FLRT1: variants seen among roughly 807,000 people sequenced by gnomAD.
FLRT1 encodes the protein leucine-rich repeat transmembrane protein FLRT1.
FLRT1 carries 14 observed loss-of-function variants against 30.9 expected under a neutral mutation model. That is an observed-to-expected ratio of 0.45 (90% CI 0.30 to 0.71). FLRT1 has a LOEUF of 0.71. FLRT1 is among the 30% of genes least tolerant of loss of function. The pLI is 0.08. For missense variants in FLRT1, 737 were observed against 949.2 expected (o/e 0.78, Z 2.94); for synonymous variants, 368 against 430.4 (o/e 0.85, Z 1.80).
chr11:64,092,499 C>G (rs1419064753), intron 1 of FLRT1, among the ~76,000 whole-genome samples: 1 of 152,228 alleles, frequency 6.6e-6, no homozygotes, highest in Non-Finnish European at 1.5e-5. Flanking sequence ...GGTCTTGACA[C>G]AGCATCCACG....
At chr11:64,065,617 G>A (rs180788944) in intron 1 of FLRT1, among the ~76,000 whole-genome samples, 9,059 of 102,824 alleles carry the variant, frequency 0.088, 914 homozygotes, top group African/African-American at 0.22. Flanking sequence ...GTGAAACCCA[G>A]TCTCTACTAA....
At chr11:64,099,827 AGATG>A (rs544902818) in intron 1 of FLRT1, among the ~76,000 whole-genome samples, 15 of 151,008 alleles carry the variant, frequency 9.9e-5, no homozygotes, top group East Asian at 2.0e-4. Context: ...GTGAATGGAT[AGATG>A]GATGGATGGA....
intron 1 of FLRT1, among the ~76,000 whole-genome samples, chr11:64,094,164 G>A (rs1348440227): frequency 1.3e-5 from 2 of 152,246 alleles, no homozygotes; most frequent in African/African-American, 4.8e-5. Flanking sequence ...TGGGCGTGGT[G>A]GCTCACGCCT....
At chr11:64,076,571 A>T (rs1025001163) in intron 1 of FLRT1, among the ~76,000 whole-genome samples, 2 of 152,134 alleles carry the variant, frequency 1.3e-5, no homozygotes, top group East Asian at 3.9e-4. Context: ...CGGCCAGAGA[A>T]CTTAGTCATC....
rs1382617774 is a variant in FLRT1 at position 64,036,504 on chromosome 11, C to T, written c.-1038+345C>T. On this transcript the variant is annotated intron_variant, in intron 1 of 2. Coordinates refer to ENST00000682287, the MANE Select transcript of FLRT1 (RefSeq NM_013280.5). This position sits in a 1 kb window ranked among gnomAD's most constrained non-coding sequence, Gnocchi z 5.6. ...TCGCTGCACCCCCCAGGGAGGGGGC[C>T]TGGCCCGTGGGGGGCGTCAGGCCGG... Among the ~76,000 whole-genome samples, 1 of 151,996 alleles carries T rather than the reference C, an allele frequency of 6.6e-6. No homozygotes were observed. The highest frequency in any genetic ancestry group is 1.5e-5 in the Non-Finnish European group (1 of 67,934).
chr11:64,087,439 G>A (rs1393349899), intron 1 of FLRT1, among the ~76,000 whole-genome samples: 1 of 152,210 alleles, frequency 6.6e-6, no homozygotes, highest in Non-Finnish European at 1.5e-5. Context: ...TGCCTCCCAA[G>A]AAAGCCAGGT....
At chr11:64,085,259 C>T (rs1438907761) in intron 1 of FLRT1, among the ~76,000 whole-genome samples, 1 of 152,174 alleles carries the variant, frequency 6.6e-6, no homozygotes. Flanking sequence ...TCCCTGGGCA[C>T]CACGGAGGTG....
intron 1 of FLRT1, among the ~76,000 whole-genome samples, chr11:64,048,756 TA>T (rs1943634173): frequency 6.6e-6 from 1 of 152,140 alleles, no homozygotes; most frequent in Non-Finnish European, 1.5e-5. Context: ...CCAGATCCCA[TA>T]ACTCTAAGGG....
At chr11:64,076,532 C>T (rs1944205438) in intron 1 of FLRT1, among the ~76,000 whole-genome samples, 1 of 152,154 alleles carries the variant, frequency 6.6e-6, no homozygotes, top group Non-Finnish European at 1.5e-5. Flanking sequence ...GCACTGGGGT[C>T]TGGAGACATA....
chr11:64,072,258 G>C (rs889825649), intron 1 of FLRT1, among the ~76,000 whole-genome samples: 1 of 152,092 alleles, frequency 6.6e-6, no homozygotes, highest in East Asian at 1.9e-4. Flanking sequence ...CCCACAGATG[G>C]GTACAGGGGT....
intron 1 of FLRT1, among the ~76,000 whole-genome samples, chr11:64,078,955 G>A (rs1231247559): frequency 1.3e-5 from 2 of 152,182 alleles, no homozygotes; most frequent in Admixed American, 6.5e-5. Context: ...GGTGAATGGC[G>A]GAGACAGAGG....
Position 64,086,836 on chromosome 11 carries a change from G to C in FLRT1, c.-1037-16358G>C, listed in dbSNP as rs1056658662. ...AACTAGCCCGTGACTTCCACAGGCG[G>C]TGCTAGGGGTGGCGGCTGGGGATGG... On this transcript the variant is annotated intron_variant, in intron 1 of 2. Transcript: ENST00000682287. 7 of 152,386 alleles carry C rather than the reference G, an allele frequency of 4.6e-5. 1 individual carries two copies. The highest frequency in any genetic ancestry group is 1.7e-4 in the African/African-American group (7 of 41,578). 9.4% of individuals were successfully genotyped at this position (152,386 alleles called of 1,614,324 possible).
In FLRT1 at chr11:64,064,772, G is replaced by T. The variant is rs138464900; in HGVS notation, c.-1038+28613G>T. On this transcript the variant is annotated intron_variant, in intron 1 of 2. Transcript: ENST00000682287. This position sits in a 1 kb window ranked among gnomAD's most constrained non-coding sequence, Gnocchi z 4.5. Reference sequence around the variant, plus strand: ...GGCCTGGACCCACCATCCAGCAAAGGCTGACAGAACAGAGGCTGCCAACTA... The same window carrying T: ...GGCCTGGACCCACCATCCAGCAAAGTCTGACAGAACAGAGGCTGCCAACTA... 4.0e-5 allele frequency among the ~76,000 whole-genome samples: 6 copies of T among 151,884 alleles called. No individual in the cohort carries two copies. Among genetic ancestry groups the T allele is most frequent in the Admixed American group, 1.3e-4 (2 of 15,218 alleles).
chr11:64,117,163 T>C lies in FLRT1; in HGVS notation c.896T>C (p.Leu299Pro), dbSNP rs1421259706. 3 of 1,613,920 alleles carry C rather than the reference T, an allele frequency of 1.9e-6. No homozygotes were observed. Among genetic ancestry groups the C allele is most frequent in the Non-Finnish European group, 2.5e-6 (3 of 1,180,024 alleles). Residue 299 changes from leucine (L) to proline (P), a missense_variant, in exon 3 of 3, where the codon CTG (leucine) becomes CCG (proline). Leu to Pro is a moderately conservative substitution (Grantham distance 98). Coordinates refer to ENST00000682287, the MANE Select transcript of FLRT1 (RefSeq NM_013280.5). Reference sequence around the variant, plus strand: ...GCCAAGATGCGTGAGCTGGAGCGGCTGGACCTGTCCAACAACAACCTGACC... The same window carrying C: ...GCCAAGATGCGTGAGCTGGAGCGGCCGGACCTGTCCAACAACAACCTGACC... ...TLAKMRELER[L>P]DLSNNNLTTL...
chr11:64,074,544 G>A (rs1565220659), intron 1 of FLRT1, among the ~76,000 whole-genome samples: 1 of 152,238 alleles, frequency 6.6e-6, no homozygotes, highest in Middle Eastern at 3.2e-3. Context: ...CAAATAACGT[G>A]TGGAGAAGCA....
In FLRT1 at chr11:64,117,687, A is replaced by G; in HGVS notation, c.1420A>G (p.Ser474Gly). The change falls in exon 3 of 3, where the codon AGC (serine) becomes GGC (glycine). Residue 474 changes from serine to glycine, a missense_variant. Physicochemically the swap from Ser to Gly is moderately conservative, Grantham distance 56 (BLOSUM62 0). Transcript: ENST00000682287. ...GCTCAGTTGGCTGCGCCTGGGCCAC[A>G]GCCCAGCCGTGGGCTCCATCACGGA... ...FRLSWLRLGH[S>G]PAVGSITETL... The G allele has an allele frequency of 6.2e-7, 1 of 1,613,638 alleles. No individual in the cohort carries two copies.
At chr11:64,099,551 T>C (rs1944634851) in intron 1 of FLRT1, among the ~76,000 whole-genome samples, 1 of 150,600 alleles carries the variant, frequency 6.6e-6, no homozygotes, top group Non-Finnish European at 1.5e-5. Context: ...GATGGAGAGA[T>C]GGATGGATGG....
intron 1 of FLRT1, among the ~76,000 whole-genome samples, chr11:64,083,388 A>T (rs1285210105): frequency 1.3e-5 from 2 of 152,178 alleles, no homozygotes; most frequent in Non-Finnish European, 2.9e-5. Flanking sequence ...ATGAGCTGAG[A>T]TTGCACCACT....
At position 64,067,541 on chromosome 11, in the gene FLRT1, G is replaced by A. The variant is rs1944027443; in HGVS notation, c.-1038+31382G>A. Among the ~76,000 whole-genome samples, 1 of 152,110 alleles carries A rather than the reference G, an allele frequency of 6.6e-6. No individual in the cohort carries two copies. The highest frequency in any genetic ancestry group is 1.5e-5 in the Non-Finnish European group (1 of 67,996). ...CCCCAACTCCCCAGCCCCTCCCCCTGGGGCTCAGGGACCCAAAGCAGGGAC... is the reference window on the plus strand; with the variant it reads ...CCCCAACTCCCCAGCCCCTCCCCCTAGGGCTCAGGGACCCAAAGCAGGGAC... On this transcript the variant is annotated intron_variant, in intron 1 of 2. Coordinates refer to ENST00000682287, the MANE Select transcript of FLRT1 (RefSeq NM_013280.5). This position sits in a 1 kb window ranked among gnomAD's most constrained non-coding sequence, Gnocchi z 4.6.
Sources: allele counts gnomAD v4.1 joint callset (sites outside exome capture counted in the v4.1 genomes callset), GRCh38; gene constraint gnomAD v4.1.1; non-coding constraint Gnocchi (gnomAD v3.1); transcripts MANE v1.5; gene names NCBI Gene and HGNC (gene_info 2026-07-23, HGNC 2026-07-21).